The following AP5S1 variants were observed in gnomAD, a reference collection of about 807,000 sequenced individuals.
AP5S1 encodes AP-5 complex subunit sigma-1.
A neutral mutation model predicts 13.9 loss-of-function variants in AP5S1; 13 were observed. The observed-to-expected ratio is 0.94, with a 90% CI of 0.61 to 1.49. The LOEUF is 1.49. Ranked by LOEUF, AP5S1 falls within the 40% of genes most tolerant of loss-of-function variation. The pLI is 0.00. For synonymous variants in AP5S1, 132 were observed against 121.8 expected (o/e 1.08, Z -0.55); for missense variants, 292 against 272.3 (o/e 1.07, Z -0.51).
At chr20:3,821,990 C>CT in intron 1 of AP5S1, 112 bp from the exon 2 acceptor site, 1 of 1,421,558 alleles carries the variant, frequency 7.0e-7, no homozygotes, top group Non-Finnish European at 9.2e-7. Context: ...AGTGTTCAGC[C>CT]TCACTGGCCT....
At position 3,822,266 on chromosome 20, in the gene AP5S1, G is replaced by T; in HGVS notation, c.149G>T (p.Arg50Leu). 1 of 1,614,084 alleles carries T rather than the reference G, an allele frequency of 6.2e-7. No individual in the cohort carries two copies. The highest frequency in any genetic ancestry group is 1.1e-5 in the South Asian group (1 of 91,074). Residue 50 changes from arginine (R) to leucine (L), a missense_variant, in exon 2 of 3, where the codon CGG (arginine) becomes CTG (leucine). Arg to Leu is a moderately radical substitution (Grantham distance 102, BLOSUM62 -2). Coordinates refer to ENST00000615891, the MANE Select transcript of AP5S1 (RefSeq NM_018347.3). ...PHGAERDRLL[R>L]KEQILAVARQ... ...GGTGCCGAGAGGGACAGGCTTCTCC[G>T]GAAGGAACAGATTTTAGCTGTGGCC...
rs2146733120 is a variant in AP5S1 at position 3,824,469 on chromosome 20, G to A, written c.*172G>A. 1.5e-6 allele frequency: 1 copy of A among 678,588 alleles called. No homozygotes were observed. The highest frequency in any genetic ancestry group is 1.9e-5 in the South Asian group (1 of 51,634). The allele number at this position is 678,588 out of a possible 1,614,324, so 42.0% of individuals were successfully genotyped here. A position where few individuals can be genotyped will look rare whatever the true frequency, so the allele number is the denominator to read the frequency against. ...GCAGAGGGTGGAGGAGGTCCTGCCT[G>A]TCCTCAGGTTAGTGGAACCACAGAA... is the stretch of plus-strand genomic sequence containing the variant. On this transcript the variant is annotated 3_prime_UTR_variant, in exon 3 of 3. Transcript: ENST00000615891.
Position 3,824,355 on chromosome 20 carries a change from A to G in AP5S1, c.*58A>G. On this transcript the variant is annotated 3_prime_UTR_variant, in exon 3 of 3. Coordinates refer to ENST00000615891, the MANE Select transcript of AP5S1 (RefSeq NM_018347.3). ...CAGAGGGTAGACACACAGCCAGATG[A>G]AGCTTGGCATCTCCCTCCTACCCAG... 1 of 1,520,314 alleles carries G rather than the reference A, an allele frequency of 6.6e-7. No homozygotes were observed. The allele number at this position is 1,520,314 out of a possible 1,614,324, so 94.2% of individuals were successfully genotyped here.
intron 2 of AP5S1, among the ~76,000 whole-genome samples, chr20:3,823,375 A>G (rs557342809): frequency 6.6e-5 from 10 of 152,210 alleles, no homozygotes; most frequent in Admixed American, 1.3e-4. Context: ...CAGCCTCCCG[A>G]GTAGCTGGGA....
chr20:3,821,766 G>C (rs1046240149), intron 1 of AP5S1: 1 of 300,686 alleles, frequency 3.3e-6, no homozygotes, highest in African/African-American at 2.3e-5. Flanking sequence ...CAGCTCCTCA[G>C]GTTTTCCATG....
intron 2 of AP5S1, chr20:3,823,661 C>T: frequency 1.0e-6 from 1 of 985,410 alleles, no homozygotes; most frequent in Non-Finnish European, 1.2e-6. Context: ...TGAAAACCTG[C>T]CCTCTTGGCC....
rs931866860 is a variant in AP5S1, at chr20:3,826,285, C to G, written c.*1988C>G. ...CACAAACCACCTTGACCATGAAGAC[C>G]TAAAGGGATGTTACTCTGTGTGTGT... On this transcript the variant is annotated 3_prime_UTR_variant, in exon 3 of 3. Coordinates refer to ENST00000615891, the MANE Select transcript of AP5S1 (RefSeq NM_018347.3). The G allele has an allele frequency of 2.0e-5, 3 of 152,190 alleles. No homozygotes were observed. The highest frequency in any genetic ancestry group is 4.4e-5 in the Non-Finnish European group (3 of 68,062). 9.4% of individuals were successfully genotyped at this position (152,190 alleles called of 1,614,324 possible). A position where few individuals can be genotyped will look rare whatever the true frequency, so the allele number is the denominator to read the frequency against.
chr20:3,823,637 C>T, intron 2 of AP5S1: 1 of 985,218 alleles, frequency 1.0e-6, no homozygotes, highest in Non-Finnish European at 1.2e-6. Context: ...CTTTTTCAGC[C>T]CAAGGAGCTG....
rs2089623838 is a variant in AP5S1 at position 3,826,213 on chromosome 20, A to G, written c.*1916A>G. 6.6e-6 allele frequency: 1 copy of G among 152,178 alleles called. No homozygotes were observed. The highest frequency in any genetic ancestry group is 6.6e-5 in the Admixed American group (1 of 15,266). 9.4% of individuals were successfully genotyped at this position (152,178 alleles called of 1,614,324 possible). ...CAGCCATGCCAGGCCTTCTACCACC[A>G]CTGTCAACATAATTGGGATGAGGCC... On this transcript the variant is annotated 3_prime_UTR_variant, in exon 3 of 3. Transcript: ENST00000615891.
intron 2 of AP5S1, 95 bp downstream of exon 2, chr20:3,822,388 TAAG>T (rs1423425428): frequency 1.2e-5 from 15 of 1,252,480 alleles, no homozygotes; most frequent in Non-Finnish European, 1.6e-5. Flanking sequence ...ATAGGAGGAC[TAAG>T]AAGCAGAGAG....
In AP5S1 at chr20:3,822,116, C is replaced by G. The variant is rs749093765; in HGVS notation, c.-2C>G. The G allele has an allele frequency of 1.9e-6, 3 of 1,612,934 alleles. No homozygotes were observed. The highest frequency in any genetic ancestry group is 2.5e-6 in the Non-Finnish European group (3 of 1,179,490). On this transcript the variant is annotated 5_prime_UTR_variant, in exon 2 of 3. Coordinates refer to ENST00000615891, the MANE Select transcript of AP5S1 (RefSeq NM_018347.3). ...CTTCCCTGTAGCACCCACCCTGGAG[C>G]CATGGTCCACGCCTTCCTCATTCAC...
At chr20:3,821,132 G>A (rs957850228) in intron 1 of AP5S1, among the ~76,000 whole-genome samples, 9 of 152,128 alleles carry the variant, frequency 5.9e-5, no homozygotes, top group Non-Finnish European at 1.3e-4. Flanking sequence ...TATTTCCTCT[G>A]TTTTTCTCTC....
chr20:3,828,155 G>A lies in AP5S1; in HGVS notation c.*3858G>A, dbSNP rs2089635250. On this transcript the variant is annotated 3_prime_UTR_variant, in exon 3 of 3. Coordinates refer to ENST00000615891, the MANE Select transcript of AP5S1 (RefSeq NM_018347.3). ...CAATACTCTGTGACCCGTTAACCAA[G>A]TCTCTGTATGTTTATTACTGCAATT... The A allele has an allele frequency of 6.6e-6, 1 of 152,130 alleles. No homozygotes were observed. Among genetic ancestry groups the A allele is most frequent in the Non-Finnish European group, 1.5e-5 (1 of 68,026 alleles). 9.4% of individuals were successfully genotyped at this position (152,130 alleles called of 1,614,324 possible).
At chr20:3,823,502 C>T (rs1373800114) in intron 2 of AP5S1, 58 of 972,524 alleles carry the variant, frequency 6.0e-5, no homozygotes, top group South Asian at 2.4e-4. Flanking sequence ...CCGCCCGCCT[C>T]GGCCTCCCAA....
Position 3,822,126 on chromosome 20 carries a change from C to A in AP5S1, c.9C>A (p.His3Gln), listed in dbSNP as rs144486964. 6.2e-7 allele frequency: 1 copy of A among 1,613,580 alleles called. No homozygotes were observed. The highest frequency in any genetic ancestry group is 8.5e-7 in the Non-Finnish European group (1 of 1,179,906). Residue 3 changes from histidine (H) to glutamine (Q), a missense_variant, in exon 2 of 3, where the codon CAC (histidine) becomes CAA (glutamine). By Grantham distance (24) the His-to-Gln change is conservative. Transcript: ENST00000615891. ...GCACCCACCCTGGAGCCATGGTCCA[C>A]GCCTTCCTCATTCACACCTTGAGGG... MV[H>Q]AFLIHTLRAP...
At position 3,828,431 on chromosome 20, in the gene AP5S1, A is replaced by G. The variant is rs1311348177; in HGVS notation, c.*4134A>G. ...GTTCACTCTTGGGGTGGTACATTCT[A>G]TAGGTTTGGATGTATTTTCAGTGAC... On this transcript the variant is annotated 3_prime_UTR_variant, in exon 3 of 3. Transcript: ENST00000615891. The G allele has an allele frequency of 6.6e-6, 1 of 152,170 alleles. No individual in the cohort carries two copies. Among genetic ancestry groups the G allele is most frequent in the Non-Finnish European group, 1.5e-5 (1 of 68,020 alleles). 9.4% of individuals were successfully genotyped at this position (152,170 alleles called of 1,614,324 possible).
At position 3,820,591 on chromosome 20, in the gene AP5S1, CA is replaced by C. The variant is rs2089570629; in HGVS notation, c.-183del. On this transcript the variant is annotated 5_prime_UTR_variant, in exon 1 of 3. Coordinates refer to ENST00000615891, the MANE Select transcript of AP5S1 (RefSeq NM_018347.3). ...TGCCACGGAGGGGAGCGCTTGGTGG[CA>C]GTCCGCGGGCCCGGACGGAAGGCTG... 6.6e-6 allele frequency: 1 copy of C among 152,180 alleles called. No individual in the cohort carries two copies. Among genetic ancestry groups the C allele is most frequent in the Non-Finnish European group, 1.5e-5 (1 of 68,034 alleles). 9.4% of individuals were successfully genotyped at this position (152,180 alleles called of 1,614,324 possible). A position where few individuals can be genotyped will look rare whatever the true frequency, so the allele number is the denominator to read the frequency against.
In AP5S1 at chr20:3,828,086, T is replaced by G. The variant is rs985521593; in HGVS notation, c.*3789T>G. 1 of 152,204 alleles carries G rather than the reference T, an allele frequency of 6.6e-6. No individual in the cohort carries two copies. The highest frequency in any genetic ancestry group is 2.4e-5 in the African/African-American group (1 of 41,430). The allele number at this position is 152,204 out of a possible 1,614,324, so 9.4% of individuals were successfully genotyped here. On this transcript the variant is annotated 3_prime_UTR_variant, in exon 3 of 3. Transcript: ENST00000615891. ...CTCAATCTTTTCTTTTAAACAATTA[T>G]TCCTATATTTTATTGTAATGCAGTT...
At chr20:3,823,234 G>A (rs114341393) in intron 2 of AP5S1, among the ~76,000 whole-genome samples, 3,138 of 152,130 alleles carry the variant, frequency 0.021, 111 homozygotes, top group African/African-American at 0.07. Flanking sequence ...GGGTGATGGC[G>A]TTTATTTTCT....
Sources: allele counts gnomAD v4.1 joint callset (sites outside exome capture counted in the v4.1 genomes callset), GRCh38; gene constraint gnomAD v4.1.1; transcripts MANE v1.5; gene names NCBI Gene and HGNC (gene_info 2026-07-23, HGNC 2026-07-21).